ARHGEF10L: variants seen among roughly 807,000 people sequenced by gnomAD.
ARHGEF10L encodes the protein rho guanine nucleotide exchange factor 10-like protein.
Under a neutral mutation model 141.2 loss-of-function variants are expected in ARHGEF10L, and 69 were observed. The ratio of observed to expected loss-of-function variants is 0.49; its 90% CI spans 0.40 to 0.60. ARHGEF10L has a LOEUF of 0.60. ARHGEF10L is among the 20% of genes least tolerant of loss of function. ARHGEF10L has a pLI of 0.00. For missense variants in ARHGEF10L, 1,482 were observed against 1,734.3 expected (o/e 0.85, Z 2.58); for synonymous variants, 711 against 718.5 (o/e 0.99, Z 0.17).
chr1:17,693,794 A>G (rs2065280486), intron 27 of ARHGEF10L, among the ~76,000 whole-genome samples: 1 of 152,240 alleles, frequency 6.6e-6, no homozygotes, highest in Non-Finnish European at 1.5e-5. Context: ...CAGAAGCAGC[A>G]GAAAGTGGAA....
At chr1:17,585,159 A>C (rs1477328164) in intron 2 of ARHGEF10L, among the ~76,000 whole-genome samples, 2 of 152,188 alleles carry the variant, frequency 1.3e-5, no homozygotes, top group African/African-American at 2.4e-5. Flanking sequence ...TAAACTTATG[A>C]GCTACCAGGG....
At chr1:17,610,585 T>C (rs2059497610) in intron 7 of ARHGEF10L, among the ~76,000 whole-genome samples, 2 of 152,224 alleles carry the variant, frequency 1.3e-5, no homozygotes, top group African/African-American at 4.8e-5. Flanking sequence ...CCTGTGGTGC[T>C]TCACCCTCCT....
At chr1:17,534,247 G>A in the ARHGEF10L span, among the ~76,000 whole-genome samples, 8 of 150,250 alleles carry the variant, frequency 5.3e-5, no homozygotes, top group East Asian at 8.0e-4. Flanking sequence ...CTCAGCCTCC[G>A]AAGTAGCTGG....
At chr1:17,529,090 A>C in the ARHGEF10L span, among the ~76,000 whole-genome samples, 136 of 151,878 alleles carry the variant, frequency 9.0e-4, 1 homozygote, top group African/African-American at 3.2e-3. Flanking sequence ...TGCAACCTCT[A>C]CCTCCTGGGT....
At chr1:17,578,477 G>A (rs2078314605) in intron 1 of ARHGEF10L, among the ~76,000 whole-genome samples, 1 of 152,190 alleles carries the variant, frequency 6.6e-6, no homozygotes, top group South Asian at 2.1e-4. Flanking sequence ...TTGAGCCCAG[G>A]AGTTTGGGAC....
At chr1:17,691,502 T>C (rs1569826473) in intron 27 of ARHGEF10L, among the ~76,000 whole-genome samples, 1 of 152,256 alleles carries the variant, frequency 6.6e-6, no homozygotes, top group African/African-American at 2.4e-5. Flanking sequence ...AGGGAGGCGA[T>C]GAGGCTTGTG....
intron 26 of ARHGEF10L, among the ~76,000 whole-genome samples, chr1:17,681,479 A>G (rs978787980): frequency 9.9e-5 from 15 of 152,198 alleles, no homozygotes; most frequent in Non-Finnish European, 2.2e-4. Flanking sequence ...CTTTTAATCT[A>G]GAATAATCCC....
chr1:17,564,257 T>C (rs2077659157), intron 1 of ARHGEF10L, among the ~76,000 whole-genome samples: 1 of 152,146 alleles, frequency 6.6e-6, no homozygotes, highest in Non-Finnish European at 1.5e-5. Context: ...GTGCCTGCCC[T>C]CAGCCCCCAG....
At position 17,625,829 on chromosome 1, in the gene ARHGEF10L, A is replaced by G. The variant is rs1466945810; in HGVS notation, c.1318-127A>G. 3.9e-6 allele frequency: 3 copies of G among 769,950 alleles called. No homozygotes were observed. Among genetic ancestry groups the G allele is most frequent in the Admixed American group, 2.3e-5 (1 of 43,186 alleles). The allele number at this position is 769,950 out of a possible 1,614,324, so 47.7% of individuals were successfully genotyped here. ...CGGACCTCTCTCAGCTCTTCTTGCA[A>G]GCCCAGGGATAGGCAGGGTCTTAGG... On this transcript the variant is annotated intron_variant, in intron 13 of 28. Coordinates refer to ENST00000361221, the MANE Select transcript of ARHGEF10L (RefSeq NM_018125.4). The surrounding 1 kb of genome is among the most constrained non-coding windows in gnomAD (Gnocchi z 4.5).
At chr1:17,517,136 T>G in the ARHGEF10L span, among the ~76,000 whole-genome samples, 1 of 152,148 alleles carries the variant, frequency 6.6e-6, no homozygotes, top group African/African-American at 2.4e-5. Context: ...GACTTCCTCA[T>G]TTGGGTAACC....
intron 26 of ARHGEF10L, among the ~76,000 whole-genome samples, chr1:17,684,029 G>T (rs1463098487): frequency 6.6e-6 from 1 of 152,220 alleles, no homozygotes; most frequent in Non-Finnish European, 1.5e-5. Flanking sequence ...GCATCCGTGA[G>T]CAAGGAGCTG....
At chr1:17,652,632 T>G (rs2062002054) in intron 22 of ARHGEF10L, among the ~76,000 whole-genome samples, 1 of 152,050 alleles carries the variant, frequency 6.6e-6, no homozygotes, top group Non-Finnish European at 1.5e-5. Flanking sequence ...TACTACGGTG[T>G]CGAAGGTTCT....
chr1:17,663,363 C>A (rs1263435303), intron 25 of ARHGEF10L, among the ~76,000 whole-genome samples: 1 of 151,976 alleles, frequency 6.6e-6, no homozygotes, highest in African/African-American at 2.4e-5. Flanking sequence ...ACCAGCCTGG[C>A]CAACATGGCA....
intron 1 of ARHGEF10L, among the ~76,000 whole-genome samples, chr1:17,564,731 T>TA (rs992488187): frequency 6.6e-6 from 1 of 152,176 alleles, no homozygotes; most frequent in African/African-American, 2.4e-5. Context: ...TCAGAGGGTT[T>TA]TTAGGAGGAA....
At chr1:17,689,238 A>G (rs1165806451) in intron 27 of ARHGEF10L, among the ~76,000 whole-genome samples, 1 of 151,990 alleles carries the variant, frequency 6.6e-6, no homozygotes, top group Non-Finnish European at 1.5e-5. Flanking sequence ...GTATCAGACA[A>G]GTCCCTTAAT....
At chr1:17,651,329 G>T (rs114507852) in intron 22 of ARHGEF10L, among the ~76,000 whole-genome samples, 42 of 152,328 alleles carry the variant, frequency 2.8e-4, no homozygotes, top group East Asian at 9.7e-4. Context: ...TATGCCAGAT[G>T]GGGGGTTACC....
Position 17,625,755 on chromosome 1 carries a change from C to T in ARHGEF10L, c.1318-201C>T, listed in dbSNP as rs541737812. ...ACTGCTTTAGTCTCCTGAGGGTGCG[C>T]GGCCATGCAGGGGCACTGGTGGGAG... On this transcript the variant is annotated intron_variant, in intron 13 of 28. Coordinates refer to ENST00000361221, the MANE Select transcript of ARHGEF10L (RefSeq NM_018125.4). This position sits in a 1 kb window ranked among gnomAD's most constrained non-coding sequence, Gnocchi z 4.5. Among the ~76,000 whole-genome samples the T allele has an allele frequency of 3.9e-5, 6 of 152,162 alleles. No homozygotes were observed. The highest frequency in any genetic ancestry group is 7.4e-5 in the Non-Finnish European group (5 of 68,024).
intron 26 of ARHGEF10L, among the ~76,000 whole-genome samples, chr1:17,677,969 C>T (rs539310553): frequency 6.6e-6 from 1 of 152,190 alleles, no homozygotes; most frequent in South Asian, 2.1e-4. Context: ...ACTAGAGGCT[C>T]GGTGGTCCCT....
At chr1:17,655,790 TG>T in intron 23 of ARHGEF10L, 88 bp from the exon 24 acceptor site, 2 of 1,196,978 alleles carry the variant, frequency 1.7e-6, no homozygotes, top group Non-Finnish European at 2.4e-6. Flanking sequence ...TCTCAGGGGA[TG>T]GGGTCCTTGG....
Sources: allele counts gnomAD v4.1 joint callset (sites outside exome capture counted in the v4.1 genomes callset), GRCh38; gene constraint gnomAD v4.1.1; non-coding constraint Gnocchi (gnomAD v3.1); transcripts MANE v1.5; gene names NCBI Gene and HGNC (gene_info 2026-07-23, HGNC 2026-07-21).